Variants in CALN1 observed in about 807,000 individuals in gnomAD.
The protein encoded by CALN1 is calcium-binding protein 8.
In CALN1, 17 loss-of-function variants were observed where a neutral mutation model predicts 30.6. The observed-to-expected ratio is 0.56, with a 90% CI of 0.38 to 0.83. The LOEUF is 0.83. CALN1 is among the 40% of genes least tolerant of loss of function. CALN1 has a pLI of 0.00. For synonymous variants in CALN1, 156 were observed against 131.4 expected, an observed-to-expected ratio of 1.19 and a Z score of -1.28; for missense variants, 291 against 354.9, an observed-to-expected ratio of 0.82 and a Z score of 1.45.
the CALN1 span, among the ~76,000 whole-genome samples, chr7:72,503,844 A>G: frequency 6.6e-6 from 1 of 152,062 alleles, no homozygotes; most frequent in African/African-American, 2.4e-5. Context: ...GATCGCAGGA[A>G]ATGCTAATGC....
rs759387324 is a variant in CALN1 at position 72,056,929 on chromosome 7, T to TTTG, written c.389-33163_389-33161dup. Among the ~76,000 whole-genome samples the TTTG allele has an allele frequency of 1.4e-3, 210 of 152,136 alleles. 1 individual carries two copies. The highest frequency in any genetic ancestry group is 4.7e-3 in the African/African-American group (197 of 41,510). On this transcript the variant is annotated intron_variant, in intron 4 of 6. Transcript: ENST00000395275. The stretch of plus-strand genomic sequence containing the variant: ...CCCCAGTATGCAATGTTATTTCATT[T>TTTG]TTGTTGTTGTTGTTGTTTTGTTTGT...
chr7:71,971,628 T>C (rs572493029), intron 5 of CALN1, among the ~76,000 whole-genome samples: 1 of 152,178 alleles, frequency 6.6e-6, no homozygotes, highest in Non-Finnish European at 1.5e-5. Flanking sequence ...CCGTGTATGA[T>C]GGCTCACACC....
At chr7:72,266,445 A>C (rs964091494) in intron 3 of CALN1, among the ~76,000 whole-genome samples, 1 of 152,226 alleles carries the variant, frequency 6.6e-6, no homozygotes, top group Non-Finnish European at 1.5e-5. Context: ...GGAATCAGGT[A>C]ACTGGTGTTT....
chr7:72,051,194 A>T lies in CALN1; in HGVS notation c.389-27425T>A, dbSNP rs1301944802. On this transcript the variant is annotated intron_variant, in intron 4 of 6. Coordinates refer to ENST00000395275, the MANE Select transcript of CALN1 (RefSeq NM_031468.4). ...AGATATGATATGCATTGTATCAAAA[A>T]GAGAGTTATTTGAGAAAACTATAAA... Among the ~76,000 whole-genome samples, 5 of 152,036 alleles carry T rather than the reference A, an allele frequency of 3.3e-5. No individual in the cohort carries two copies. The East Asian group carries it at 9.6e-4, about 29-fold the overall frequency.
At chr7:72,295,263 AT>A (rs1798771224) in intron 2 of CALN1, among the ~76,000 whole-genome samples, 1 of 152,244 alleles carries the variant, frequency 6.6e-6, no homozygotes, top group South Asian at 2.1e-4. Flanking sequence ...ATTACGGGCT[AT>A]CTTTAAAGTA....
At chr7:71,847,533 T>A (rs1235475767) in intron 5 of CALN1, among the ~76,000 whole-genome samples, 1 of 149,960 alleles carries the variant, frequency 6.7e-6, no homozygotes, top group Non-Finnish European at 1.5e-5. Context: ...AAAAAAAAAA[T>A]TATCCAGATG....
At chr7:71,956,171 A>T (rs1005243625) in intron 5 of CALN1, among the ~76,000 whole-genome samples, 6 of 152,186 alleles carry the variant, frequency 3.9e-5, no homozygotes, top group African/African-American at 1.4e-4. Context: ...TATTTTTAGT[A>T]GAGACGGAGC....
chr7:72,273,970 A>T (rs1322077389), intron 3 of CALN1, among the ~76,000 whole-genome samples: 4 of 152,224 alleles, frequency 2.6e-5, no homozygotes, highest in African/African-American at 9.6e-5. Flanking sequence ...TGGAAGACGT[A>T]GAGAAAAAGA....
chr7:72,033,332 G>A (rs947834337), intron 4 of CALN1, among the ~76,000 whole-genome samples: 1 of 152,182 alleles, frequency 6.6e-6, no homozygotes, highest in Admixed American at 6.5e-5. Flanking sequence ...TACAGGAAAA[G>A]TGGGTGGGCT....
intron 5 of CALN1, among the ~76,000 whole-genome samples, chr7:71,912,210 C>A (rs1487235340): frequency 6.6e-6 from 1 of 152,034 alleles, no homozygotes; most frequent in Non-Finnish European, 1.5e-5. Context: ...GGAGGTCCAG[C>A]TGCCTAGTGA....
intron 1 of CALN1, among the ~76,000 whole-genome samples, chr7:72,405,573 A>C (rs1270838940): frequency 6.6e-6 from 1 of 152,182 alleles, no homozygotes; most frequent in Non-Finnish European, 1.5e-5. Context: ...CCGCTCTCTT[A>C]CACATGCCTA....
chr7:72,170,424 A>G (rs939492852), intron 3 of CALN1, among the ~76,000 whole-genome samples: 10 of 152,238 alleles, frequency 6.6e-5, no homozygotes, highest in Non-Finnish European at 1.5e-4. Flanking sequence ...AAGGTCCTAT[A>G]TAAGTCAACC....
At chr7:72,231,484 T>C (rs923657493) in intron 3 of CALN1, among the ~76,000 whole-genome samples, 1 of 152,224 alleles carries the variant, frequency 6.6e-6, no homozygotes, top group Admixed American at 6.5e-5. Context: ...TATGGCTTCA[T>C]AGTATTCCAT....
intron 2 of CALN1, among the ~76,000 whole-genome samples, chr7:72,357,977 T>C (rs1803340712): frequency 6.6e-6 from 1 of 151,208 alleles, no homozygotes; most frequent in Non-Finnish European, 1.5e-5. Flanking sequence ...GCTAATTTTT[T>C]TGTATTTTTA....
At chr7:72,049,809 ATTTC>A (rs1179104949) in intron 4 of CALN1, among the ~76,000 whole-genome samples, 6 of 90,520 alleles carry the variant, frequency 6.6e-5, no homozygotes, top group African/African-American at 1.1e-4. Flanking sequence ...GGCCAAGTCT[ATTTC>A]TTTTTTTTTT....
At chr7:72,112,997 C>T (rs1011017256) in intron 3 of CALN1, among the ~76,000 whole-genome samples, 4 of 152,126 alleles carry the variant, frequency 2.6e-5, no homozygotes, top group East Asian at 1.9e-4. Context: ...TGGCAAGACA[C>T]GGGCATGTCT....
chr7:71,852,776 C>A (rs756940829), intron 5 of CALN1, among the ~76,000 whole-genome samples: 1 of 152,074 alleles, frequency 6.6e-6, no homozygotes, highest in Non-Finnish European at 1.5e-5. Flanking sequence ...GGGTAACTCA[C>A]GGCTGTTTTA....
At chr7:71,955,974 G>A (rs992450150) in intron 5 of CALN1, among the ~76,000 whole-genome samples, 2 of 142,190 alleles carry the variant, frequency 1.4e-5, no homozygotes, top group African/African-American at 5.3e-5. Flanking sequence ...TATAGACTGG[G>A]CCATGTATGT....
chr7:72,110,009 T>C (rs566522862), intron 3 of CALN1, among the ~76,000 whole-genome samples: 1 of 152,328 alleles, frequency 6.6e-6, no homozygotes, highest in African/African-American at 2.4e-5. Context: ...GGATAGCCAG[T>C]TGTAAGCTAA....
Sources: gnomAD v4.1 joint callset for allele counts (sites outside exome capture counted in the v4.1 genomes callset) on GRCh38, gnomAD v4.1.1 for gene constraint, MANE v1.5 for transcripts, NCBI Gene and HGNC (gene_info 2026-07-23, HGNC 2026-07-21) for gene names.